The following PDS5A variants were observed in gnomAD, a reference collection of about 807,000 sequenced individuals.
PDS5A encodes the protein PDS5 cohesin associated factor A, also known as sister chromatid cohesion protein PDS5 homolog A.
In PDS5A, 42 loss-of-function variants were observed where a neutral mutation model predicts 167.1. The observed-to-expected ratio is 0.25, with a 90% confidence interval of 0.20 to 0.33. PDS5A has a LOEUF of 0.33. Among genes scored for constraint, PDS5A ranks in the 10% least tolerant of loss-of-function variants. PDS5A has a pLI of 1.00. For missense variants in PDS5A, 1,033 were observed against 1,605.9 expected (o/e 0.64, Z 6.10); for synonymous variants, 553 against 554.6 (o/e 1.00, Z 0.04).
intron 2 of PDS5A, among the ~76,000 whole-genome samples, chr4:39,952,732 T>TC (rs1337078668): frequency 6.6e-6 from 1 of 151,036 alleles, no homozygotes; most frequent in East Asian, 1.9e-4. Context: ...GGAATTTTTT[T>TC]TTTTTTTTTT....
intron 22 of PDS5A, among the ~76,000 whole-genome samples, chr4:39,868,264 G>C (rs558811117): frequency 6.6e-6 from 1 of 152,118 alleles, no homozygotes; most frequent in Admixed American, 6.5e-5. Flanking sequence ...GGGCTCAAGC[G>C]ATCCTCCTGC....
intron 16 of PDS5A, among the ~76,000 whole-genome samples, chr4:39,891,450 A>C (rs1578680885): frequency 6.6e-6 from 1 of 150,814 alleles, no homozygotes; most frequent in Non-Finnish European, 1.5e-5. Flanking sequence ...GGAGTTCGAG[A>C]CCAGCCTGAC....
intron 21 of PDS5A, among the ~76,000 whole-genome samples, chr4:39,870,659 AAG>A (rs1325951041): frequency 3.3e-5 from 5 of 152,234 alleles, no homozygotes; most frequent in Non-Finnish European, 7.4e-5. Context: ...CAGCTCTCCA[AAG>A]AAGATATACA....
At chr4:39,902,161 A>T (rs1005389885) in intron 13 of PDS5A, among the ~76,000 whole-genome samples, 186 bp downstream of exon 13, 3 of 152,322 alleles carry the variant, frequency 2.0e-5, no homozygotes, top group Non-Finnish European at 4.4e-5. Flanking sequence ...TGGCTGCCAA[A>T]CAAGCCTACA....
chr4:39,889,822 A>G (rs1036231332), intron 17 of PDS5A, among the ~76,000 whole-genome samples: 1 of 152,248 alleles, frequency 6.6e-6, no homozygotes, highest in African/African-American at 2.4e-5. Context: ...AAATTTGCCT[A>G]AAGATAATCC....
At chr4:39,848,590 G>T (rs1324224492) in intron 28 of PDS5A, 4 of 375,966 alleles carry the variant, frequency 1.1e-5, no homozygotes, top group Non-Finnish European at 1.9e-5. Flanking sequence ...TCAATAAAAT[G>T]AGATTAAAAT....
rs369262263 is a variant in PDS5A at position 39,920,337 on chromosome 4, A to G, written c.717T>C (p.Ile239=). 70 of 1,509,574 alleles carry G rather than the reference A, an allele frequency of 4.6e-5. No individual in the cohort carries two copies. Among genetic ancestry groups the G allele is most frequent in the Non-Finnish European group, 6.2e-5 (68 of 1,091,908 alleles). 93.5% of individuals were successfully genotyped at this position (1,509,574 alleles called of 1,614,324 possible). Residue 239 remains isoleucine (I), a synonymous_variant, in exon 7 of 33, where the codon ATT becomes ATC. Transcript: ENST00000303538. ...KVLLKRTVQT[I]EACIANFFNQ... ...TACATACATTAGCAATGCATGCCTC[A>G]ATAGTCTGGACTGTTCTTTTCAATA...
chr4:39,938,768 A>G (rs1286638467), intron 2 of PDS5A, among the ~76,000 whole-genome samples: 5 of 151,798 alleles, frequency 3.3e-5, no homozygotes, highest in Non-Finnish European at 2.9e-5. Flanking sequence ...TCAGGAGATC[A>G]AGACCATCCT....
chr4:39,893,122 C>T (rs114958828), intron 16 of PDS5A, among the ~76,000 whole-genome samples: 524 of 152,222 alleles, frequency 3.4e-3, no homozygotes, highest in Non-Finnish European at 5.4e-3. Context: ...AACAAGCTTC[C>T]TGGAAAATAT....
chr4:39,888,588 T>C (rs1721688924), intron 17 of PDS5A, among the ~76,000 whole-genome samples: 1 of 151,244 alleles, frequency 6.6e-6, no homozygotes, highest in Admixed American at 6.6e-5. Context: ...ATATGTACAA[T>C]GAAAAATTAT....
At chr4:39,840,737 CT>C (rs1327179999) in intron 31 of PDS5A, among the ~76,000 whole-genome samples, 2 of 152,060 alleles carry the variant, frequency 1.3e-5, no homozygotes, top group Non-Finnish European at 2.9e-5. Flanking sequence ...AATTTTTGCA[CT>C]TTGTTAGCAG....
intron 18 of PDS5A, among the ~76,000 whole-genome samples, chr4:39,877,859 G>T (rs1035980813): frequency 2.6e-5 from 4 of 151,904 alleles, no homozygotes; most frequent in African/African-American, 9.7e-5. Flanking sequence ...TTCCTGTCTT[G>T]GCTGGGATTA....
intron 32 of PDS5A, among the ~76,000 whole-genome samples, chr4:39,835,943 T>C (rs542241443): frequency 6.6e-6 from 1 of 152,288 alleles, no homozygotes; most frequent in South Asian, 2.1e-4. Flanking sequence ...AGGTGAAGAA[T>C]AGGACAGATC....
intron 16 of PDS5A, among the ~76,000 whole-genome samples, 198 bp from the exon 17 acceptor site, chr4:39,890,562 T>C (rs2109620103): frequency 6.6e-6 from 1 of 152,310 alleles, no homozygotes; most frequent in South Asian, 2.1e-4. Flanking sequence ...GATGATGTGG[T>C]TTCTGAGTGA....
chr4:39,917,555 TAC>T (rs1724503629), intron 7 of PDS5A, among the ~76,000 whole-genome samples: 1 of 152,114 alleles, frequency 6.6e-6, no homozygotes, highest in Non-Finnish European at 1.5e-5. Flanking sequence ...AGAGAAAAAT[TAC>T]AAAGTCTCAA....
chr4:39,863,594 AC>A, intron 23 of PDS5A, 135 bp from the exon 24 acceptor site: 1 of 565,296 alleles, frequency 1.8e-6, no homozygotes. Flanking sequence ...TGGGAAAGCT[AC>A]TTTGAGTCCA....
intron 16 of PDS5A, chr4:39,898,112 C>T (rs1426127837): frequency 2.6e-6 from 3 of 1,145,382 alleles, no homozygotes; most frequent in Non-Finnish European, 3.2e-6. Flanking sequence ...AAATACTTAT[C>T]ATTACTCAAT....
chr4:39,961,811 T>G (rs911261719), intron 2 of PDS5A, among the ~76,000 whole-genome samples: 1 of 152,242 alleles, frequency 6.6e-6, no homozygotes, highest in African/African-American at 2.4e-5. Context: ...TCTCTTACTG[T>G]GAGCATTATA....
intron 2 of PDS5A, among the ~76,000 whole-genome samples, chr4:39,940,544 A>C (rs1426637757): frequency 6.6e-6 from 1 of 152,254 alleles, no homozygotes; most frequent in Admixed American, 6.5e-5. Context: ...TAAAGCAGTT[A>C]ATCTAACCAC....
Sources: allele counts gnomAD v4.1 joint callset (sites outside exome capture counted in the v4.1 genomes callset), GRCh38; gene constraint gnomAD v4.1.1; transcripts MANE v1.5; gene names NCBI Gene and HGNC (gene_info 2026-07-23, HGNC 2026-07-21).